The following NEMP2 variants were observed in gnomAD, a reference collection of about 807,000 sequenced individuals.
NEMP2 encodes the protein UPF0571 transmembrane protein.
A neutral mutation model predicts 54.2 loss-of-function variants in NEMP2; 53 were observed. That is an observed-to-expected ratio of 0.98 (90% CI 0.78 to 1.23). NEMP2 has a LOEUF of 1.23. Ranked by LOEUF, NEMP2 falls within the 50% of genes most tolerant of loss-of-function variation. The pLI is 0.00. For synonymous variants in NEMP2, 197 were observed against 190.3 expected (o/e 1.04, Z -0.29); for missense variants, 455 against 511.3 (o/e 0.89, Z 1.06).
chr2:190,551,320 A>G, the NEMP2 span, among the ~76,000 whole-genome samples: 162 of 151,216 alleles, frequency 1.1e-3, 1 homozygote, highest in African/African-American at 3.8e-3. Context: ...CATCTTCAAT[A>G]TTTGTCAATT....
the NEMP2 span, among the ~76,000 whole-genome samples, chr2:190,496,970 T>A: frequency 2.0e-5 from 3 of 152,186 alleles, no homozygotes; most frequent in African/African-American, 7.2e-5. The surrounding 1 kb of genome is among the most constrained non-coding windows in gnomAD (Gnocchi z 4.7). Context: ...GTATACTGCT[T>A]GGGTGATGGT....
the NEMP2 span, among the ~76,000 whole-genome samples, chr2:190,636,547 G>A: frequency 1.6e-4 from 24 of 152,300 alleles, no homozygotes; most frequent in Middle Eastern, 3.4e-3. Flanking sequence ...ATCACTAAGC[G>A]TATGTCGTAA....
chr2:190,529,769 G>C lies in NEMP2; in HGVS notation c.98-4391C>G, dbSNP rs368538676. 8.5e-5 allele frequency among the ~76,000 whole-genome samples: 13 copies of C among 152,282 alleles called. 2 individuals are homozygous for C. Among genetic ancestry groups the C allele is most frequent in the African/African-American group, 2.9e-4 (12 of 41,562 alleles). ...CTTTGTAAGAGCCTGGCCAGGAATA[G>C]TCAGCACCGTAAAAGAAGGTGCACT... is the stretch of plus-strand genomic sequence containing the variant. On this transcript the variant is annotated intron_variant, in intron 1 of 8. Coordinates refer to ENST00000409150, the MANE Select transcript of NEMP2 (RefSeq NM_001142645.2). This position sits in a 1 kb window ranked among gnomAD's most constrained non-coding sequence, Gnocchi z 4.7.
the NEMP2 span, chr2:190,489,995 G>C: frequency 1.5e-6 from 1 of 678,904 alleles, no homozygotes; most frequent in Admixed American, 3.2e-5. The surrounding 1 kb of genome is among the most constrained non-coding windows in gnomAD (Gnocchi z 6.6). Context: ...TCTGAGTGGC[G>C]TATCGATGAA....
the NEMP2 span, among the ~76,000 whole-genome samples, chr2:190,566,743 GAAA>G: frequency 3.3e-4 from 48 of 147,328 alleles, no homozygotes; most frequent in East Asian, 1.3e-3. Context: ...AGAAAGAAAA[GAAA>G]AAAAAAGAAA....
the NEMP2 span, among the ~76,000 whole-genome samples, chr2:190,429,419 G>A: frequency 6.6e-6 from 1 of 151,416 alleles, no homozygotes; most frequent in Admixed American, 6.6e-5. Context: ...TCCGTCTCCT[G>A]GGTTCAAGCG....
At chr2:190,577,309 C>T in the NEMP2 span, among the ~76,000 whole-genome samples, 5 of 151,956 alleles carry the variant, frequency 3.3e-5, no homozygotes, top group Non-Finnish European at 4.4e-5. The surrounding 1 kb of genome is among the most constrained non-coding windows in gnomAD (Gnocchi z 4.8). Flanking sequence ...TTTTTGGTCC[C>T]ATTGGTATCT....
chr2:190,441,737 T>TAGAG, the NEMP2 span, among the ~76,000 whole-genome samples: 2 of 152,114 alleles, frequency 1.3e-5, no homozygotes, highest in Non-Finnish European at 2.9e-5. Flanking sequence ...TCCTCAGCTC[T>TAGAG]AGAGACCTCT....
chr2:190,497,538 G>A, the NEMP2 span: 12 of 1,614,024 alleles, frequency 7.4e-6, no homozygotes, highest in East Asian at 6.7e-5. This position sits in a 1 kb window ranked among gnomAD's most constrained non-coding sequence, Gnocchi z 5.2. Context: ...GTCATGCCAC[G>A]CATTGAGCCC....
Position 190,512,539 on chromosome 2 carries a change from T to TGAG in NEMP2, c.953+1911_953+1913dup, listed in dbSNP as rs1690405147. Reference sequence around the variant, plus strand: ...ATTATTCACTAGCAAAATTTTAAGTTGAGGAAGTTATAGTACATTTTGATT... The same window carrying TGAG: ...ATTATTCACTAGCAAAATTTTAAGTTGAGGAGGAAGTTATAGTACATTTTGATT... On this transcript the variant is annotated intron_variant, in intron 7 of 8. Transcript: ENST00000409150. This position sits in a 1 kb window ranked among gnomAD's most constrained non-coding sequence, Gnocchi z 4.5. 6.6e-6 allele frequency among the ~76,000 whole-genome samples: 1 copy of TGAG among 152,206 alleles called. No individual in the cohort carries two copies. Among genetic ancestry groups the TGAG allele is most frequent in the African/African-American group, 2.4e-5 (1 of 41,452 alleles).
chr2:190,449,616 A>C, the NEMP2 span, among the ~76,000 whole-genome samples: 1 of 152,318 alleles, frequency 6.6e-6, no homozygotes, highest in African/African-American at 2.4e-5. Flanking sequence ...GAACCAACCC[A>C]AATGTCCAAC....
chr2:190,613,300 G>A, the NEMP2 span, among the ~76,000 whole-genome samples: 2 of 152,046 alleles, frequency 1.3e-5, no homozygotes, highest in African/African-American at 4.8e-5. Flanking sequence ...AATAATTCAA[G>A]ATGTAGCTAT....
At chr2:190,443,545 T>G in the NEMP2 span, among the ~76,000 whole-genome samples, 1 of 152,208 alleles carries the variant, frequency 6.6e-6, no homozygotes, top group African/African-American at 2.4e-5. This position sits in a 1 kb window ranked among gnomAD's most constrained non-coding sequence, Gnocchi z 4.2. Flanking sequence ...ATCAGAAGTG[T>G]ACAGATGATT....
chr2:190,567,733 C>G, the NEMP2 span, among the ~76,000 whole-genome samples: 1 of 152,188 alleles, frequency 6.6e-6, no homozygotes, highest in African/African-American at 2.4e-5. This position sits in a 1 kb window ranked among gnomAD's most constrained non-coding sequence, Gnocchi z 4.0. Flanking sequence ...ACTGCAACCT[C>G]TGCCTCTTGG....
At chr2:190,648,443 G>A in the NEMP2 span, 1 of 151,668 alleles carries the variant, frequency 6.6e-6, no homozygotes, top group Non-Finnish European at 1.5e-5. Context: ...CCCGGGCAGG[G>A]GCGCACCTGG....
the NEMP2 span, chr2:190,488,582 A>G: frequency 7.9e-7 from 1 of 1,265,002 alleles, no homozygotes; most frequent in South Asian, 2.5e-5. This position sits in a 1 kb window ranked among gnomAD's most constrained non-coding sequence, Gnocchi z 6.4. Flanking sequence ...GCCTAGTTAA[A>G]TAATTCACAT....
chr2:190,644,168 TA>T, the NEMP2 span, among the ~76,000 whole-genome samples: 11 of 146,798 alleles, frequency 7.5e-5, no homozygotes, highest in Admixed American at 2.0e-4. This position sits in a 1 kb window ranked among gnomAD's most constrained non-coding sequence, Gnocchi z 4.4. Flanking sequence ...TTCCTCATTG[TA>T]AAAAAAAAAC....
At chr2:190,449,615 C>A in the NEMP2 span, among the ~76,000 whole-genome samples, 2 of 152,044 alleles carry the variant, frequency 1.3e-5, no homozygotes, top group Admixed American at 1.3e-4. Flanking sequence ...GGAACCAACC[C>A]AAATGTCCAA....
upstream of NEMP2, among the ~76,000 whole-genome samples, chr2:190,536,145 T>C (rs1163289810): frequency 6.6e-6 from 1 of 152,238 alleles, no homozygotes; most frequent in Non-Finnish European, 1.5e-5. Context: ...CATTTTTCTC[T>C]ATAAGCAATA....
Sources: allele counts gnomAD v4.1 joint callset (sites outside exome capture counted in the v4.1 genomes callset), GRCh38; gene constraint gnomAD v4.1.1; non-coding constraint Gnocchi (gnomAD v3.1); transcripts MANE v1.5; gene names NCBI Gene and HGNC (gene_info 2026-07-23, HGNC 2026-07-21).